Variants in STK36 observed in about 807,000 individuals in gnomAD.
The protein encoded by STK36 is serine/threonine kinase 36.
Under a neutral mutation model 142.2 loss-of-function variants are expected in STK36, and 116 were observed. That is an observed-to-expected ratio of 0.82 (90% CI 0.70 to 0.95). STK36 has a LOEUF of 0.95. STK36 is among the 40% of genes least tolerant of loss of function. The pLI is 0.00. For synonymous variants in STK36, 619 were observed against 641.7 expected, an observed-to-expected ratio of 0.96 and a Z score of 0.53; for missense variants, 1,422 against 1,617.2, an observed-to-expected ratio of 0.88 and a Z score of 2.07.
intron 10 of STK36, among the ~76,000 whole-genome samples, chr2:218,682,976 T>C (rs1486789543): frequency 1.3e-4 from 20 of 152,212 alleles, no homozygotes. Context: ...TGACTGATAG[T>C]TTTGAGGTAC....
chr2:218,685,035 C>T, intron 10 of STK36, 50 bp from the exon 11 acceptor site: 1 of 1,609,938 alleles, frequency 6.2e-7, no homozygotes, highest in Non-Finnish European at 8.5e-7. Context: ...GGATCTACTA[C>T]CTTAGACTTA....
chr2:218,693,458 C>T, intron 17 of STK36, 114 bp downstream of exon 17: 1 of 1,034,160 alleles, frequency 9.7e-7, no homozygotes, highest in Non-Finnish European at 1.4e-6. Context: ...CTGAGAGAGA[C>T]CATTTGAGAC....
In STK36 at chr2:218,696,787, C is replaced by T. The variant is rs1003269978; in HGVS notation, c.2586+186C>T. The T allele has an allele frequency of 1.2e-4, 107 of 899,058 alleles. No homozygotes were observed. The East Asian group carries it at 2.0e-3, about 17-fold the overall frequency. The allele number at this position is 899,058 out of a possible 1,614,324, so 55.7% of individuals were successfully genotyped here. A position where few individuals can be genotyped will look rare whatever the true frequency, so the allele number is the denominator to read the frequency against. On this transcript the variant is annotated intron_variant, in intron 22 of 26. Coordinates refer to ENST00000295709, the MANE Select transcript of STK36 (RefSeq NM_015690.5). ...ACCCTTTGAAGGAAACCATTCGCTG[C>T]GTCCCCTGGGATCCAGTGGGAGATA...
intron 11 of STK36, among the ~76,000 whole-genome samples, chr2:218,686,842 A>T (rs1186438078): frequency 6.6e-6 from 1 of 152,240 alleles, no homozygotes. Context: ...AAACTGCTGA[A>T]CTATTTTCCA....
At chr2:218,684,842 C>T (rs149419107) in intron 10 of STK36, 16 of 402,270 alleles carry the variant, frequency 4.0e-5, no homozygotes, top group Middle Eastern at 6.4e-4. Context: ...CATGCTGCAG[C>T]GGACGTCTTT....
rs771942887 is a variant in STK36, at chr2:218,688,879, A to G, written c.1560+3A>G. 1 of 1,604,996 alleles carries G rather than the reference A, an allele frequency of 6.2e-7. No individual in the cohort carries two copies. The highest frequency in any genetic ancestry group is 2.2e-5 in the East Asian group (1 of 44,672). ...AGGAGAGCAACAGCCTCCAGCAGGT[A>G]AGCACCAGGCCAGAAGCCTCTGAAG... On this transcript the variant is annotated splice_donor_region_variant and intron_variant, in intron 12 of 26. Transcript: ENST00000295709.
intron 10 of STK36, among the ~76,000 whole-genome samples, chr2:218,681,736 T>G (rs1355373405): frequency 2.0e-5 from 3 of 152,154 alleles, no homozygotes; most frequent in Non-Finnish European, 4.4e-5. Context: ...TTTGCAGAAG[T>G]GCAGAAGAGA....
At chr2:218,674,789 G>A (rs899267332) in intron 4 of STK36, among the ~76,000 whole-genome samples, 1 of 151,942 alleles carries the variant, frequency 6.6e-6, no homozygotes, top group Non-Finnish European at 1.5e-5. Context: ...TAGTAGAGAT[G>A]GGGTTTCACC....
intron 4 of STK36, among the ~76,000 whole-genome samples, chr2:218,674,574 A>G (rs1940147952): frequency 1.3e-5 from 2 of 152,174 alleles, no homozygotes; most frequent in Non-Finnish European, 2.9e-5. Flanking sequence ...TTTGTAAGTA[A>G]TCATATTTTT....
chr2:218,673,284 A>G (rs1224775044), intron 2 of STK36: 3 of 382,516 alleles, frequency 7.8e-6, no homozygotes, highest in Non-Finnish European at 1.4e-5. Context: ...CTAGCACACC[A>G]TGTAATAAGA....
At position 218,685,139 on chromosome 2, in the gene STK36, C is replaced by T. The variant is rs749655151; in HGVS notation, c.1291C>T (p.Pro431Ser). The T allele has an allele frequency of 8.7e-6, 14 of 1,614,024 alleles. No individual in the cohort carries two copies. The highest frequency in any genetic ancestry group is 1.3e-5 in the African/African-American group (1 of 74,898). Residue 431 changes from proline (P) to serine (S), a missense_variant, in exon 11 of 27, where the codon CCT becomes TCT. Pro to Ser is a moderately conservative substitution (Grantham distance 74). Coordinates refer to ENST00000295709, the MANE Select transcript of STK36 (RefSeq NM_015690.5). Reference sequence around the variant, plus strand: ...CCTGCTAGAGACCACTGAGCCTGTGCCTATTCAACTGAAGGCTCCTCTCAC... The same window carrying T: ...CCTGCTAGAGACCACTGAGCCTGTGTCTATTCAACTGAAGGCTCCTCTCAC... ...QHLLETTEPV[P>S]IQLKAPLTLL...
chr2:218,699,459 C>T lies in STK36; in HGVS notation c.3804+111C>T, dbSNP rs1171127711. On this transcript the variant is annotated intron_variant, in intron 26 of 26. Transcript: ENST00000295709. ...AATCGGGACATGGAGAAACTTATGC[C>T]GTGTTTCTCCCAGGGACAGTGTCTT... The T allele has an allele frequency of 2.1e-6, 3 of 1,445,324 alleles. 1 individual carries two copies. The highest frequency in any genetic ancestry group is 2.8e-5 in the South Asian group (2 of 72,076). The allele number at this position is 1,445,324 out of a possible 1,614,324, so 89.5% of individuals were successfully genotyped here. A position where few individuals can be genotyped will look rare whatever the true frequency, so the allele number is the denominator to read the frequency against.
Position 218,696,614 on chromosome 2 carries a change from C to T in STK36, c.2586+13C>T, listed in dbSNP as rs1559344328. Reference sequence around the variant, plus strand: ...GCTCCTCACTGAGGTACAGATGGATCTTGGGATGGATGGGAAGTAAAGAGA... The same window carrying T: ...GCTCCTCACTGAGGTACAGATGGATTTTGGGATGGATGGGAAGTAAAGAGA... On this transcript the variant is annotated intron_variant, in intron 22 of 26. Coordinates refer to ENST00000295709, the MANE Select transcript of STK36 (RefSeq NM_015690.5). The T allele has an allele frequency of 6.2e-7, 1 of 1,613,462 alleles. No individual in the cohort carries two copies. Among genetic ancestry groups the T allele is most frequent in the Admixed American group, 1.7e-5 (1 of 60,020 alleles).
chr2:218,675,159 A>G (rs1349300449), intron 4 of STK36, among the ~76,000 whole-genome samples, 184 bp from the exon 5 acceptor site: 2 of 152,218 alleles, frequency 1.3e-5, no homozygotes, highest in Non-Finnish European at 2.9e-5. Flanking sequence ...TCTTGAATGA[A>G]TGAATGAGCA....
chr2:218,693,598 C>A, intron 17 of STK36, 125 bp from the exon 18 acceptor site: 1 of 939,366 alleles, frequency 1.1e-6, no homozygotes. Flanking sequence ...GAAGGGGGTT[C>A]TCTCACACTC....
intron 21 of STK36, among the ~76,000 whole-genome samples, chr2:218,695,176 T>C (rs548046716): frequency 1.3e-5 from 2 of 151,922 alleles, no homozygotes; most frequent in African/African-American, 2.4e-5. Context: ...CTTTCCTTCA[T>C]TTTGTAAAAA....
Position 218,680,012 on chromosome 2 carries a change from G to C in STK36, c.1068G>C (p.Gly356=). The part of the protein sequence containing the change: ...ATPQESSLLA[G]ILASELKSSW... ...CTCAGGAATCAAGCCTCCTGGCCGG[G>C]ATCTTAGCCTCAGAATTGAAGAGCA... The change falls in exon 9 of 27, where the codon GGG becomes GGC. Residue 356 remains glycine (G), a synonymous_variant. Coordinates refer to ENST00000295709, the MANE Select transcript of STK36 (RefSeq NM_015690.5). 1 of 1,614,200 alleles carries C rather than the reference G, an allele frequency of 6.2e-7. No homozygotes were observed. Among genetic ancestry groups the C allele is most frequent in the South Asian group, 1.1e-5 (1 of 91,088 alleles).
intron 26 of STK36, among the ~76,000 whole-genome samples, chr2:218,701,227 C>T (rs563295391): frequency 1.1e-4 from 17 of 151,452 alleles, no homozygotes; most frequent in South Asian, 2.1e-4. Flanking sequence ...CTCTGCCTCC[C>T]GGGTTCACGC....
In STK36 at chr2:218,673,860, C is replaced by T; in HGVS notation, c.226-19C>T. On this transcript the variant is annotated intron_variant, in intron 3 of 26. Coordinates refer to ENST00000295709, the MANE Select transcript of STK36 (RefSeq NM_015690.5). ...TGCATGAATCTGGAGCCATCAGTGC[C>T]ACTGCCTTCTCTCTGTAGGTGGTGG... The T allele has an allele frequency of 6.2e-7, 1 of 1,614,162 alleles. No homozygotes were observed. The highest frequency in any genetic ancestry group is 8.5e-7 in the Non-Finnish European group (1 of 1,180,024).
Sources: allele counts gnomAD v4.1 joint callset (sites outside exome capture counted in the v4.1 genomes callset), GRCh38; gene constraint gnomAD v4.1.1; transcripts MANE v1.5; gene names NCBI Gene and HGNC (gene_info 2026-07-23, HGNC 2026-07-21).